COL4A2: variants seen among roughly 807,000 people sequenced by gnomAD.
COL4A2 encodes the protein collagen alpha-2(IV) chain.
In COL4A2, 99 loss-of-function variants were observed where a neutral mutation model predicts 200.2. The ratio of observed to expected loss-of-function variants is 0.49; its 90% CI spans 0.42 to 0.58. The LOEUF is 0.58. COL4A2 is among the 20% of genes least tolerant of loss of function. The pLI, the probability that COL4A2 is intolerant of heterozygous loss-of-function variation, is 0.00. For missense variants in COL4A2, 1,950 were observed against 2,314.1 expected (o/e 0.84, Z 3.23); for synonymous variants, 897 against 900.6 (o/e 1.00, Z 0.07).
rs148712254 is a variant in COL4A2 at position 110,359,392 on chromosome 13, A to G, written c.180+1840A>G. ...CATGTGTGAAGGTGTGGGGAGTAGT[A>G]TTTTGTTTTATGACACAGCCTCCTT... On this transcript the variant is annotated intron_variant, in intron 4 of 47. Coordinates refer to ENST00000360467, the MANE Select transcript of COL4A2 (RefSeq NM_001846.4). Among the ~76,000 whole-genome samples the G allele has an allele frequency of 3.2e-3, 488 of 152,260 alleles. 1 individual carries two copies. The highest frequency in any genetic ancestry group is 5.1e-3 in the Non-Finnish European group (344 of 68,014).
At chr13:110,435,049 T>G (rs1245822578) in intron 12 of COL4A2, among the ~76,000 whole-genome samples, 2 of 152,264 alleles carry the variant, frequency 1.3e-5, no homozygotes, top group Admixed American at 1.3e-4. Context: ...CACTGTAAAG[T>G]AGACCTGACC....
intron 3 of COL4A2, among the ~76,000 whole-genome samples, chr13:110,332,636 G>A (rs1252371798): frequency 1.3e-5 from 2 of 152,134 alleles, no homozygotes; most frequent in Admixed American, 1.3e-4. Context: ...GAAACGTTGG[G>A]CCCACGGAAA....
intron 7 of COL4A2, among the ~76,000 whole-genome samples, chr13:110,429,662 T>C (rs1444213389): frequency 6.6e-6 from 1 of 152,162 alleles, no homozygotes. Context: ...AGTATTTCTG[T>C]TTTAACTCTA....
At chr13:110,344,344 T>C (rs978156739) in intron 3 of COL4A2, among the ~76,000 whole-genome samples, 3 of 152,184 alleles carry the variant, frequency 2.0e-5, no homozygotes, top group Non-Finnish European at 1.5e-5. Flanking sequence ...TAAAAGATGG[T>C]CTTTTATGCA....
chr13:110,311,367 G>A lies in COL4A2; in HGVS notation c.99+3244G>A, dbSNP rs529845362. 1.2e-4 allele frequency among the ~76,000 whole-genome samples: 19 copies of A among 152,314 alleles called. No individual in the cohort carries two copies. The South Asian group carries it at 3.9e-3, about 32-fold the overall frequency. ...ATGTGGTGCCAAGATGCACAAAATG[G>A]CTTCGTGTAAGGCAGTGTGACACAG... On this transcript the variant is annotated intron_variant, in intron 3 of 47. Transcript: ENST00000360467.
At chr13:110,445,923 G>A (rs570382236) in intron 17 of COL4A2, 41 bp downstream of exon 17, 10 of 1,610,732 alleles carry the variant, frequency 6.2e-6, no homozygotes, top group East Asian at 4.5e-5. Flanking sequence ...ATGGTGTCTC[G>A]CCCACCCTGG....
At position 110,495,465 on chromosome 13, in the gene COL4A2, C is replaced by T; in HGVS notation, c.3758C>T (p.Pro1253Leu). ...GGACAGAAAGGAGACCAAGGAGCTCCAGGTGAGGCCACACATTCCAAGCCA... is the reference window on the plus strand; with the variant it reads ...GGACAGAAAGGAGACCAAGGAGCTCTAGGTGAGGCCACACATTCCAAGCCA... ...VPGQKGDQGA[P>L]GERGPPGSPG... Residue 1253 changes from proline to leucine, a missense_variant and splice_region_variant, in exon 40 of 48, where the codon CCA becomes CTA. Physicochemically the swap from Pro to Leu is moderately conservative, Grantham distance 98. Coordinates refer to ENST00000360467, the MANE Select transcript of COL4A2 (RefSeq NM_001846.4). The T allele has an allele frequency of 6.2e-7, 1 of 1,611,910 alleles. No homozygotes were observed. Among genetic ancestry groups the T allele is most frequent in the East Asian group, 2.2e-5 (1 of 44,858 alleles).
intron 3 of COL4A2, among the ~76,000 whole-genome samples, chr13:110,317,327 C>T (rs936964311): frequency 2.6e-5 from 4 of 151,744 alleles, no homozygotes; most frequent in African/African-American, 4.8e-5. Context: ...CACAGAGACA[C>T]ACACTTGCAC....
At chr13:110,456,288 C>G (rs7996257) in intron 20 of COL4A2, 112,923 of 202,316 alleles carry the variant, frequency 0.56, 32,813 homozygotes, top group Middle Eastern at 0.67. Context: ...TAACAGTTAT[C>G]CTAACTCCGT....
chr13:110,468,765 T>C lies in COL4A2; in HGVS notation c.2096-452T>C, dbSNP rs151316184. Among the ~76,000 whole-genome samples, 22 of 152,318 alleles carry C rather than the reference T, an allele frequency of 1.4e-4. No homozygotes were observed. In the East Asian group the frequency reaches 4.2e-3, roughly 29 times the overall value. On this transcript the variant is annotated intron_variant, in intron 27 of 47. Coordinates refer to ENST00000360467, the MANE Select transcript of COL4A2 (RefSeq NM_001846.4). ...AGCCCTTCAATTATCAGAAAACACT[T>C]CTGGAGCCCACACACTGGGCCAAGC...
At chr13:110,310,041 C>T (rs963087579) in intron 3 of COL4A2, among the ~76,000 whole-genome samples, 5 of 152,252 alleles carry the variant, frequency 3.3e-5, no homozygotes, top group African/African-American at 1.2e-4. Context: ...ATAGCTCTGC[C>T]CTAATCTCTT....
rs1033160565 is a variant in COL4A2 at position 110,446,685 on chromosome 13, C to G, written c.1012-113C>G. 24 of 837,696 alleles carry G rather than the reference C, an allele frequency of 2.9e-5. No homozygotes were observed. The Admixed American group carries it at 4.6e-4, about 16-fold the overall frequency. The allele number at this position is 837,696 out of a possible 1,614,324, so 51.9% of individuals were successfully genotyped here. ...TCTGTGGTTCCACTGGTTGAAATAGCTGCTCTGCCAGCCTGACGGTCCACG... is the reference window on the plus strand; with the variant it reads ...TCTGTGGTTCCACTGGTTGAAATAGGTGCTCTGCCAGCCTGACGGTCCACG... On this transcript the variant is annotated intron_variant, in intron 17 of 47. Coordinates refer to ENST00000360467, the MANE Select transcript of COL4A2 (RefSeq NM_001846.4).
intron 3 of COL4A2, among the ~76,000 whole-genome samples, chr13:110,353,191 G>A (rs1877038192): frequency 6.6e-6 from 1 of 152,180 alleles, no homozygotes; most frequent in African/African-American, 2.4e-5. Flanking sequence ...AGAACACTGA[G>A]GCAAACCAGA....
intron 4 of COL4A2, among the ~76,000 whole-genome samples, chr13:110,359,411 C>A (rs928435948): frequency 2.0e-5 from 3 of 152,316 alleles, no homozygotes; most frequent in Non-Finnish European, 4.4e-5. Context: ...TATGACACAG[C>A]CTCCTTGCCT....
At chr13:110,423,118 A>T (rs1025280247) in intron 4 of COL4A2, among the ~76,000 whole-genome samples, 4 of 152,208 alleles carry the variant, frequency 2.6e-5, no homozygotes, top group African/African-American at 9.6e-5. Flanking sequence ...GTGCCGTGTG[A>T]TGAATCAACA....
intron 39 of COL4A2, among the ~76,000 whole-genome samples, chr13:110,494,866 C>T (rs191796479): frequency 2.0e-5 from 3 of 152,356 alleles, no homozygotes; most frequent in Admixed American, 1.3e-4. Flanking sequence ...CGCACTCCTG[C>T]GTCATTAACA....
rs912286930 is a variant in COL4A2 at position 110,437,176 on chromosome 13, A to G, written c.825+809A>G. 3.9e-5 allele frequency among the ~76,000 whole-genome samples: 6 copies of G among 152,216 alleles called. No individual in the cohort carries two copies. In the South Asian group the frequency reaches 1.2e-3, roughly 31 times the overall value. On this transcript the variant is annotated intron_variant, in intron 13 of 47. Transcript: ENST00000360467. ...TCCTGCATCCTGGGGCGGATTTGGCAGGCAGGACCACTGCCTTGTGGGGGA... is the reference window on the plus strand; with the variant it reads ...TCCTGCATCCTGGGGCGGATTTGGCGGGCAGGACCACTGCCTTGTGGGGGA...
chr13:110,406,854 A>G (rs964424723), intron 4 of COL4A2, among the ~76,000 whole-genome samples: 2 of 152,194 alleles, frequency 1.3e-5, no homozygotes, highest in African/African-American at 4.8e-5. Context: ...GGTGATTACT[A>G]AACATTTGAG....
intron 3 of COL4A2, among the ~76,000 whole-genome samples, chr13:110,313,381 G>A (rs1009683068): frequency 6.6e-6 from 1 of 152,212 alleles, no homozygotes. Context: ...AGACTTCACA[G>A]GTGTCTCCAG....
Sources: gnomAD v4.1 joint callset for allele counts (sites outside exome capture counted in the v4.1 genomes callset) on GRCh38, gnomAD v4.1.1 for gene constraint, MANE v1.5 for transcripts, NCBI Gene and HGNC (gene_info 2026-07-23, HGNC 2026-07-21) for gene names.